Variants in ATM observed in about 807,000 individuals in gnomAD.
The protein encoded by ATM is serine-protein kinase ATM.
Under a neutral mutation model 387.0 loss-of-function variants are expected in ATM, and 308 were observed. The observed-to-expected ratio is 0.80, with a 90% CI of 0.73 to 0.87. ATM has a LOEUF of 0.87. Among genes scored for constraint, ATM ranks in the 40% least tolerant of loss-of-function variants. ATM has a pLI of 0.00. For synonymous variants in ATM, 1,156 were observed against 1,187.3 expected, an observed-to-expected ratio of 0.97 and a Z score of 0.54; for missense variants, 3,312 against 3,560.9, an observed-to-expected ratio of 0.93 and a Z score of 1.78.
chr11:108,277,495 G>A (rs947247706), intron 22 of ATM, among the ~76,000 whole-genome samples: 1 of 152,298 alleles, frequency 6.6e-6, no homozygotes, highest in South Asian at 2.1e-4. Context: ...CCCTGGTGGT[G>A]TAGGCACCCA....
At chr11:108,335,660 C>T (rs769487550) in intron 55 of ATM, among the ~76,000 whole-genome samples, 185 bp from the exon 56 acceptor site, 2 of 152,136 alleles carry the variant, frequency 1.3e-5, no homozygotes, top group Non-Finnish European at 2.9e-5. Context: ...CTTTCTAAAT[C>T]AGTGTAAATG....
chr11:108,273,372 G>A (rs567626685), intron 22 of ATM, among the ~76,000 whole-genome samples: 1 of 104,264 alleles, frequency 9.6e-6, no homozygotes, highest in South Asian at 2.9e-4. Flanking sequence ...ATGGAGTTTC[G>A]CTCATGTCTC....
intron 14 of ATM, among the ~76,000 whole-genome samples, chr11:108,257,058 G>A (rs984776597): frequency 6.6e-6 from 1 of 152,140 alleles, no homozygotes; most frequent in Non-Finnish European, 1.5e-5. Flanking sequence ...GGGTCAAATG[G>A]TATTTCTAGT....
Position 108,329,785 on chromosome 11 carries a change from C to T in ATM, c.7308-429C>T, listed in dbSNP as rs2086064323. Reference sequence around the variant, plus strand: ...CGTGTTCTTTTGTGAATAATTCATGCTCTGCTTCTAAGTTCATTGTGGAGA... The same window carrying T: ...CGTGTTCTTTTGTGAATAATTCATGTTCTGCTTCTAAGTTCATTGTGGAGA... On this transcript the variant is annotated intron_variant, in intron 49 of 62. Transcript: ENST00000675843. 2.6e-5 allele frequency among the ~76,000 whole-genome samples: 4 copies of T among 152,236 alleles called. No homozygotes were observed. The South Asian group carries it at 8.3e-4, about 32-fold the overall frequency.
chr11:108,262,876 A>ATTG (rs1478294551), intron 16 of ATM, among the ~76,000 whole-genome samples: 1 of 147,986 alleles, frequency 6.8e-6, no homozygotes, highest in African/African-American at 2.5e-5. Context: ...AAAGATCAAA[A>ATTG]GAGACAAAGA....
intron 39 of ATM, 21 bp downstream of exon 39, chr11:108,310,336 T>G (rs2136020953): frequency 6.2e-7 from 1 of 1,608,606 alleles, no homozygotes; most frequent in Non-Finnish European, 8.5e-7. Context: ...TTAGAATTTT[T>G]GGTTTTTAAA....
intron 20 of ATM, 133 bp downstream of exon 20, chr11:108,271,539 G>A: frequency 8.8e-7 from 1 of 1,139,832 alleles, no homozygotes; most frequent in South Asian, 1.3e-5. Context: ...ATAGCAGAAT[G>A]TAATTTGTGT....
intron 16 of ATM, among the ~76,000 whole-genome samples, chr11:108,264,508 G>A (rs1184469315): frequency 2.6e-5 from 4 of 152,042 alleles, no homozygotes; most frequent in Non-Finnish European, 4.4e-5. Flanking sequence ...ATCTATGACA[G>A]TCCCACAGCC....
chr11:108,223,162 C>T lies in ATM; in HGVS notation c.-55C>T, dbSNP rs2078571585. 1 of 173,632 alleles carries T rather than the reference C, an allele frequency of 5.8e-6. No individual in the cohort carries two copies. Among genetic ancestry groups the T allele is most frequent in the Admixed American group, 5.6e-5 (1 of 17,932 alleles). The allele number at this position is 173,632 out of a possible 1,614,324, so 10.8% of individuals were successfully genotyped here. A position where few individuals can be genotyped will look rare whatever the true frequency, so the allele number is the denominator to read the frequency against. On this transcript the variant is annotated 5_prime_UTR_variant, in exon 1 of 63. Coordinates refer to ENST00000675843, the MANE Select transcript of ATM (RefSeq NM_000051.4). ...GCTGCAGCCACCGCCGCGGTTGATA[C>T]TACTTTGACCTTCCGAGTGCAGTGG...
Position 108,329,368 on chromosome 11 carries a change from A to G in ATM, c.7307+130A>G, listed in dbSNP as rs116693283. On this transcript the variant is annotated intron_variant, in intron 49 of 62. Transcript: ENST00000675843. ...GCTCTAAAGGTCGGCTTAACTATAT[A>G]TAGATTATCTTGGTCTTTTGGGTTC... is the stretch of plus-strand genomic sequence containing the variant. 3.9e-3 allele frequency: 3,223 copies of G among 835,368 alleles called. 87 individuals carry two copies. In the African/African-American group the frequency reaches 0.048, roughly 13 times the overall value. 51.7% of individuals were successfully genotyped at this position (835,368 alleles called of 1,614,324 possible). A position where few individuals can be genotyped will look rare whatever the true frequency, so the allele number is the denominator to read the frequency against.
At chr11:108,364,309 A>G (rs1258644712) in intron 61 of ATM, among the ~76,000 whole-genome samples, 3 of 152,184 alleles carry the variant, frequency 2.0e-5, no homozygotes, top group South Asian at 4.1e-4. Flanking sequence ...AGCATTTGCT[A>G]AAGCCTATTT....
intron 40 of ATM, 47 bp from the exon 41 acceptor site, chr11:108,315,776 A>T (rs755604182): frequency 6.3e-5 from 93 of 1,485,258 alleles, no homozygotes; most frequent in Non-Finnish European, 8.2e-5. Flanking sequence ...AAATTTATAG[A>T]CCGATTTTTT....
intron 61 of ATM, among the ~76,000 whole-genome samples, chr11:108,357,217 G>A (rs555533784): frequency 7.2e-5 from 11 of 152,202 alleles, no homozygotes; most frequent in African/African-American, 1.4e-4. Flanking sequence ...ACTCCCACCC[G>A]AATATTGCGC....
chr11:108,225,033 A>G (rs936435054), intron 1 of ATM: 1 of 152,220 alleles, frequency 6.6e-6, no homozygotes, highest in African/African-American at 2.4e-5. Flanking sequence ...AAACAAGTTC[A>G]AGGAAGTCAC....
rs893713679 is a variant in ATM, at chr11:108,272,457, A to G, written c.3078-75A>G. On this transcript the variant is annotated intron_variant, in intron 20 of 62. Coordinates refer to ENST00000675843, the MANE Select transcript of ATM (RefSeq NM_000051.4). ...AAAGACATATTGGAAGTAACTTACA[A>G]TAACCTTTCAGTGAGTTTTCTGAGT... The G allele has an allele frequency of 4.5e-5, 56 of 1,248,038 alleles. No individual in the cohort carries two copies. In the Admixed American group the frequency reaches 6.7e-4, roughly 15 times the overall value. The allele number at this position is 1,248,038 out of a possible 1,614,324, so 77.3% of individuals were successfully genotyped here. A position where few individuals can be genotyped will look rare whatever the true frequency, so the allele number is the denominator to read the frequency against.
rs2136701769 is a variant in ATM at position 108,335,970 on chromosome 11, T to C, written c.8268+9T>C. ...CTATCTGTACTTATAAGGTAACTAT[T>C]TGTACTTCTGTTAGTTCACCAAAAA... On this transcript the variant is annotated intron_variant, in intron 56 of 62. Transcript: ENST00000675843. 1 of 1,584,714 alleles carries C rather than the reference T, an allele frequency of 6.3e-7. No individual in the cohort carries two copies. The highest frequency in any genetic ancestry group is 1.3e-5 in the African/African-American group (1 of 74,410).
At chr11:108,325,631 G>A (rs1386993676) in intron 46 of ATM, 87 bp downstream of exon 46, 4 of 1,122,956 alleles carry the variant, frequency 3.6e-6, no homozygotes, top group Admixed American at 2.0e-5. Flanking sequence ...AAAAAGAAAT[G>A]TCATTAAGAG....
chr11:108,279,867 C>T (rs905976909), intron 23 of ATM, among the ~76,000 whole-genome samples: 1 of 152,070 alleles, frequency 6.6e-6, no homozygotes, highest in Non-Finnish European at 1.5e-5. Flanking sequence ...GTATAAATGG[C>T]TCCCTTTTTT....
rs4988059 is a variant in ATM, at chr11:108,308,103, G to A, written c.5762+119G>A. 3,118 of 980,030 alleles carry A rather than the reference G, an allele frequency of 3.2e-3. 73 individuals carry two copies. In the African/African-American group the frequency reaches 0.043, roughly 14 times the overall value. The allele number at this position is 980,030 out of a possible 1,614,324, so 60.7% of individuals were successfully genotyped here. On this transcript the variant is annotated intron_variant, in intron 38 of 62. Transcript: ENST00000675843. ...TGTTGCAAAGTGTTATATTTAATTT[G>A]TGTGATATTTATATCTCCTTGCAGT...
Sources: gnomAD v4.1 joint callset for allele counts (sites outside exome capture counted in the v4.1 genomes callset) on GRCh38, gnomAD v4.1.1 for gene constraint, MANE v1.5 for transcripts, NCBI Gene and HGNC (gene_info 2026-07-23, HGNC 2026-07-21) for gene names.